DMXL1: variants seen among roughly 807,000 people sequenced by gnomAD.
DMXL1 encodes the protein dmX-like protein 1.
In DMXL1, 99 loss-of-function variants were observed where a neutral mutation model predicts 319.2. The observed-to-expected ratio is 0.31, with a 90% CI of 0.26 to 0.37. The LOEUF (loss-of-function observed/expected upper bound fraction) is 0.37. Among genes scored for constraint, DMXL1 ranks in the 10% least tolerant of loss-of-function variants. The probability of loss-of-function intolerance (pLI) is 1.00; values close to 1 mark genes in which losing one functional copy is unlikely to be tolerated. For missense variants in DMXL1, 3,745 were observed against 3,595.6 expected (o/e 1.04, Z -1.06); for synonymous variants, 1,385 against 1,235.2 (o/e 1.12, Z -2.54).
In DMXL1 at chr5:119,114,367, T is replaced by C. The variant is rs77389852; in HGVS notation, c.498-108T>C. 2.0e-4 allele frequency: 152 copies of C among 776,000 alleles called. 1 individual carries two copies. In the African/African-American group the frequency reaches 2.4e-3, roughly 12 times the overall value. 48.1% of individuals were successfully genotyped at this position (776,000 alleles called of 1,614,324 possible). ...CACAAAGATGTGGGTGTGAAACTTA[T>C]AACATTTTCTGTCTTTTGAACCAAT... On this transcript the variant is annotated intron_variant, in intron 5 of 43. Coordinates refer to ENST00000539542, the MANE Select transcript of DMXL1 (RefSeq NM_001290321.3).
chr5:119,245,588 G>A (rs1391215073), intron 43 of DMXL1, among the ~76,000 whole-genome samples: 1 of 146,568 alleles, frequency 6.8e-6, no homozygotes, highest in Admixed American at 6.9e-5. Context: ...TCGCCAGGCT[G>A]GAGCACAGTG....
intron 30 of DMXL1, 39 bp downstream of exon 30, chr5:119,194,009 A>G: frequency 1.5e-6 from 2 of 1,359,018 alleles, no homozygotes; most frequent in Non-Finnish European, 2.0e-6. Context: ...TTTAAAAATA[A>G]TGGTGTATAT....
At chr5:119,184,308 C>T (rs1777302893) in intron 28 of DMXL1, among the ~76,000 whole-genome samples, 1 of 152,130 alleles carries the variant, frequency 6.6e-6, no homozygotes, top group South Asian at 2.1e-4. Flanking sequence ...AAGTGATCTT[C>T]CCACCTCAGC....
At chr5:119,122,575 C>T (rs1416117187) in intron 9 of DMXL1, among the ~76,000 whole-genome samples, 1 of 151,016 alleles carries the variant, frequency 6.6e-6, no homozygotes, top group South Asian at 2.1e-4. Context: ...AGGGGCTCCT[C>T]ACTTCTCTGA....
At chr5:119,220,010 CTTT>C (rs5870841) in intron 35 of DMXL1, among the ~76,000 whole-genome samples, 34 of 139,966 alleles carry the variant, frequency 2.4e-4, no homozygotes, top group Non-Finnish European at 2.5e-4. Flanking sequence ...TTTCCCACTT[CTTT>C]TTTTTTTTTT....
intron 19 of DMXL1, among the ~76,000 whole-genome samples, chr5:119,161,745 T>C (rs1460933194): frequency 1.3e-5 from 2 of 152,002 alleles, no homozygotes. Context: ...GGCGGGGCTT[T>C]GGGGTGGGCT....
Position 119,105,212 on chromosome 5 carries a change from A to AT in DMXL1, c.324dup (p.Leu109SerfsTer31), listed in dbSNP as rs1197441239. ...ATAGTCAGTGGCAGAAAAGTGGCCAATTTTTTCTGGAATCAATAGCACACA... is the reference window on the plus strand; with the variant it reads ...ATAGTCAGTGGCAGAAAAGTGGCCAATTTTTTTCTGGAATCAATAGCACACA... On this transcript the variant is annotated frameshift_variant, in exon 4 of 44. Coordinates refer to ENST00000539542, the MANE Select transcript of DMXL1 (RefSeq NM_001290321.3). LOFTEE classifies it high-confidence loss of function. 6.2e-7 allele frequency: 1 copy of AT among 1,613,056 alleles called. No homozygotes were observed. Among genetic ancestry groups the AT allele is most frequent in the Non-Finnish European group, 8.5e-7 (1 of 1,179,380 alleles).
At chr5:119,131,210 A>G (rs948791452) in intron 10 of DMXL1, among the ~76,000 whole-genome samples, 1 of 151,690 alleles carries the variant, frequency 6.6e-6, no homozygotes, top group African/African-American at 2.4e-5. Flanking sequence ...AAATCTGGTA[A>G]ACAGTCAAAA....
chr5:119,130,948 G>A (rs1057458105), intron 10 of DMXL1, among the ~76,000 whole-genome samples: 4 of 150,706 alleles, frequency 2.7e-5, no homozygotes, highest in Non-Finnish European at 5.9e-5. Context: ...TCCTCTAAGT[G>A]TATCTAAATA....
Position 119,171,089 on chromosome 5 carries a change from G to A in DMXL1, c.6298G>A (p.Ala2100Thr), listed in dbSNP as rs753260834. 1.2e-6 allele frequency: 2 copies of A among 1,613,864 alleles called. No homozygotes were observed. Among genetic ancestry groups the A allele is most frequent in the South Asian group, 2.2e-5 (2 of 91,064 alleles). ...AGATGAATTTGGATTAAATGAGGAT[G>A]CTGAAGATTTGCCTCACCAAACAAA... ...NEDEFGLNED[A>T]EDLPHQTKVK... The change falls in exon 24 of 44, where the codon GCT becomes ACT. Residue 2100 changes from alanine (A) to threonine (T), a missense_variant. Ala to Thr is a moderately conservative substitution (Grantham distance 58). Around this residue, in one of 4 missense-constraint regions of DMXL1, gnomAD observed 1,382 missense variants for 1,269.5 expected, o/e 1.09. Coordinates refer to ENST00000539542, the MANE Select transcript of DMXL1 (RefSeq NM_001290321.3).
At chr5:119,244,679 T>TATTTA in intron 43 of DMXL1, 103 bp downstream of exon 43, 4 of 789,624 alleles carry the variant, frequency 5.1e-6, no homozygotes, top group Non-Finnish European at 8.0e-6. Context: ...ATAGTTATAT[T>TATTTA]AATTCCTTTG....
intron 4 of DMXL1, 29 bp downstream of exon 4, chr5:119,105,287 T>C (rs1758087968): frequency 1.3e-6 from 2 of 1,528,422 alleles, no homozygotes; most frequent in South Asian, 1.1e-5. Flanking sequence ...TTAACTAAAA[T>C]GAAATATCAC....
chr5:119,144,673 A>G (rs111334599), intron 15 of DMXL1, 35 bp downstream of exon 15: 31 of 1,309,646 alleles, frequency 2.4e-5, no homozygotes, highest in Middle Eastern at 1.9e-4. Flanking sequence ...GAGAAATACT[A>G]TGTACAGTAT....
intron 1 of DMXL1, 133 bp from the exon 2 acceptor site, chr5:119,097,846 T>A (rs971075481): frequency 2.4e-6 from 2 of 818,624 alleles, no homozygotes; most frequent in South Asian, 2.0e-5. Context: ...ATTTTTTTTT[T>A]AAGAAAACAC....
intron 9 of DMXL1, among the ~76,000 whole-genome samples, chr5:119,121,400 C>G (rs909547161): frequency 2.0e-5 from 3 of 151,808 alleles, no homozygotes; most frequent in Non-Finnish European, 4.4e-5. Flanking sequence ...ACAAAGGTCT[C>G]TGGTTTTCCT....
chr5:119,167,704 TA>T lies in DMXL1; in HGVS notation c.5244del (p.Val1749PhefsTer14). On this transcript the variant is annotated frameshift_variant, in exon 23 of 44. Transcript: ENST00000539542. LOFTEE classifies it high-confidence loss of function. ...TSAAYKSILRKKVLGIDSPVS... is the reference protein window; with the variant it reads ...TSAAYKSILRXKVLGIDSPVS... ...CTGCAGCATATAAATCTATTTTACG[TA>T]AAAAAGTTTTGGGAATCGATTCTCC... 1 of 1,613,692 alleles carries T rather than the reference TA, an allele frequency of 6.2e-7. No individual in the cohort carries two copies. Among genetic ancestry groups the T allele is most frequent in the Non-Finnish European group, 8.5e-7 (1 of 1,179,746 alleles).
rs566803029 is a variant in DMXL1, at chr5:119,150,556, A to T, written c.4594+135A>T. ...GTAAATTCAGCTCTTTGGGAGGCTG[A>T]GGCAGGAGGATCACTTGAACCTAGG... On this transcript the variant is annotated intron_variant, in intron 18 of 43. Transcript: ENST00000539542. The T allele has an allele frequency of 1.8e-4, 170 of 947,384 alleles. No homozygotes were observed. The African/African-American group carries it at 2.5e-3, about 14-fold the overall frequency. 58.7% of individuals were successfully genotyped at this position (947,384 alleles called of 1,614,324 possible).
At chr5:119,180,794 T>G (rs189424088) in intron 28 of DMXL1, among the ~76,000 whole-genome samples, 10 of 152,316 alleles carry the variant, frequency 6.6e-5, no homozygotes, top group African/African-American at 2.2e-4. Flanking sequence ...TCTGTTGAGT[T>G]TAATTTTAAA....
At chr5:119,223,483 G>A (rs889479182) in intron 37 of DMXL1, among the ~76,000 whole-genome samples, 1 of 152,144 alleles carries the variant, frequency 6.6e-6, no homozygotes, top group Non-Finnish European at 1.5e-5. Context: ...AGAAAAATGT[G>A]TTTATACTCC....
Sources: allele counts gnomAD v4.1 joint callset (sites outside exome capture counted in the v4.1 genomes callset), GRCh38; gene constraint gnomAD v4.1.1; regional missense constraint gnomAD v4.1.1; transcripts MANE v1.5; gene names NCBI Gene and HGNC (gene_info 2026-07-23, HGNC 2026-07-21).